The following SORBS2 variants were observed in gnomAD, a reference collection of about 807,000 sequenced individuals.
SORBS2 encodes sorbin and SH3 domain-containing protein 2.
Under a neutral mutation model 97.7 loss-of-function variants are expected in SORBS2, and 46 were observed. The ratio of observed to expected loss-of-function variants is 0.47; its 90% CI spans 0.37 to 0.60. SORBS2 has a LOEUF of 0.60. Among genes scored for constraint, SORBS2 ranks in the 20% least tolerant of loss-of-function variants. SORBS2 has a pLI of 0.00. For missense variants in SORBS2, 1,316 were observed against 1,282.3 expected (o/e 1.03, Z -0.40); for synonymous variants, 476 against 473.4 (o/e 1.01, Z -0.07).
chr4:185,824,914 C>T (rs533805021), intron 1 of SORBS2, among the ~76,000 whole-genome samples: 3 of 152,284 alleles, frequency 2.0e-5, no homozygotes, highest in East Asian at 3.9e-4. Flanking sequence ...GGGTGGCAGG[C>T]GGGCTGATCC....
intron 1 of SORBS2, among the ~76,000 whole-genome samples, chr4:185,945,991 G>A (rs954624500): frequency 6.6e-6 from 1 of 152,232 alleles, no homozygotes; most frequent in Non-Finnish European, 1.5e-5. Flanking sequence ...AGATGGTCAA[G>A]ACTTTGTAAT....
exon 1 of SORBS2, chr4:185,656,705 T>TGCTGCCTGCCCAGGCTCTCAGAA: frequency 6.5e-7 from 1 of 1,549,032 alleles, no homozygotes; most frequent in Non-Finnish European, 8.7e-7. Flanking sequence ...GTCAGCCAGC[T>TGCTGCCTGCCCAGGCTCTCAGAA]GCTGCCTGCC....
chr4:185,729,622 A>G (rs2098597979), intron 2 of SORBS2, among the ~76,000 whole-genome samples: 1 of 152,234 alleles, frequency 6.6e-6, no homozygotes, highest in South Asian at 2.1e-4. Flanking sequence ...TGTGAAAGAC[A>G]AGGAATAGTA....
chr4:185,619,588 C>T (rs1179231815), intron 8 of SORBS2, among the ~76,000 whole-genome samples: 1 of 152,156 alleles, frequency 6.6e-6, no homozygotes, highest in African/African-American at 2.4e-5. Context: ...GGGCAGTATC[C>T]CGAGAACTGG....
chr4:185,865,587 C>A (rs999174478), intron 1 of SORBS2, among the ~76,000 whole-genome samples: 2 of 152,012 alleles, frequency 1.3e-5, no homozygotes, highest in African/African-American at 4.8e-5. Flanking sequence ...AACACGGAAA[C>A]GTACAGAACA....
At chr4:185,625,686 G>A (rs758963191) in intron 6 of SORBS2, among the ~76,000 whole-genome samples, 3 of 152,174 alleles carry the variant, frequency 2.0e-5, no homozygotes, top group Non-Finnish European at 4.4e-5. Flanking sequence ...ATCTGATAAG[G>A]CATCTCTGCT....
At chr4:185,850,909 A>G (rs2099217506) in intron 1 of SORBS2, among the ~76,000 whole-genome samples, 1 of 152,186 alleles carries the variant, frequency 6.6e-6, no homozygotes, top group Non-Finnish European at 1.5e-5. Flanking sequence ...GAAAAGGCAC[A>G]CGAGGGTAAA....
chr4:185,683,448 C>A (rs559067112), intron 2 of SORBS2, among the ~76,000 whole-genome samples: 2 of 152,250 alleles, frequency 1.3e-5, no homozygotes, highest in South Asian at 4.1e-4. Context: ...ATTGGCATTC[C>A]AATTACACGA....
intron 12 of SORBS2, among the ~76,000 whole-genome samples, chr4:185,601,138 A>C (rs576507687): frequency 6.6e-6 from 1 of 152,234 alleles, no homozygotes; most frequent in African/African-American, 2.4e-5. Context: ...GTAATGATTG[A>C]CCTCAAATCC....
chr4:185,653,394 G>T (rs1237420342), intron 1 of SORBS2, among the ~76,000 whole-genome samples: 1 of 152,200 alleles, frequency 6.6e-6, no homozygotes, highest in Admixed American at 6.5e-5. Context: ...CCAGGCGTCG[G>T]ACATGAGGGG....
rs558593785 is a variant in SORBS2 at position 185,728,233 on chromosome 4, G to A, written c.-198+46994C>T. On this transcript the variant is annotated intron_variant, in intron 2 of 20. Transcript: ENST00000284776. ...TCCCCGAGAAAGTCCACTGAGTAGCGTGCTGGACAGAACCTGACCAGGACT... is the reference window on the plus strand; with the variant it reads ...TCCCCGAGAAAGTCCACTGAGTAGCATGCTGGACAGAACCTGACCAGGACT... Among the ~76,000 whole-genome samples the A allele has an allele frequency of 5.3e-5, 8 of 152,080 alleles. No individual in the cohort carries two copies. The East Asian group carries it at 5.8e-4, about 11-fold the overall frequency.
chr4:185,685,498 C>T (rs954323098), intron 2 of SORBS2, among the ~76,000 whole-genome samples: 3 of 152,046 alleles, frequency 2.0e-5, no homozygotes, highest in African/African-American at 7.2e-5. Context: ...TCGAAATGAC[C>T]ATGTTTAAAG....
chr4:185,881,185 G>GAAATTGAGAAATTAAAT (rs2099236696), intron 1 of SORBS2, among the ~76,000 whole-genome samples: 1 of 152,102 alleles, frequency 6.6e-6, no homozygotes, highest in African/African-American at 2.4e-5. Context: ...TAGAGTTAAG[G>GAAATTGAGAAATTAAAT]AAATTGAGAA....
intron 1 of SORBS2, among the ~76,000 whole-genome samples, chr4:185,801,075 C>T (rs570827164): frequency 8.5e-5 from 13 of 152,188 alleles, no homozygotes; most frequent in African/African-American, 1.9e-4. Context: ...AACCACCATT[C>T]GACTCTGTTT....
At chr4:185,950,458 C>T (rs564242645) in intron 1 of SORBS2, among the ~76,000 whole-genome samples, 1 of 152,146 alleles carries the variant, frequency 6.6e-6, no homozygotes, top group South Asian at 2.1e-4. Flanking sequence ...GAAAAAGAGA[C>T]CAGAGTGGGT....
chr4:185,642,867 T>C (rs2097149000), intron 4 of SORBS2, among the ~76,000 whole-genome samples: 1 of 152,166 alleles, frequency 6.6e-6, no homozygotes, highest in Non-Finnish European at 1.5e-5. Context: ...CCAAGAATGT[T>C]TTGAGACCCA....
At chr4:185,612,192 C>A (rs974104592) in intron 11 of SORBS2, among the ~76,000 whole-genome samples, 1 of 152,158 alleles carries the variant, frequency 6.6e-6, no homozygotes, top group Non-Finnish European at 1.5e-5. Context: ...TCCATTCAGG[C>A]CATCAGAATC....
At chr4:185,927,481 C>T (rs11132365) in intron 1 of SORBS2, among the ~76,000 whole-genome samples, 139,162 of 148,664 alleles carry the variant, frequency 0.94, 65,257 homozygotes, top group East Asian at 1. Flanking sequence ...TTCCACTCCC[C>T]GTGTCCATGT....
At chr4:185,708,832 A>G (rs1310607567) in intron 2 of SORBS2, among the ~76,000 whole-genome samples, 1 of 152,232 alleles carries the variant, frequency 6.6e-6, no homozygotes, top group Non-Finnish European at 1.5e-5. Flanking sequence ...AGATCCAAAT[A>G]AAGTGTTTTC....
Sources: gnomAD v4.1 joint callset for allele counts (sites outside exome capture counted in the v4.1 genomes callset) on GRCh38, gnomAD v4.1.1 for gene constraint, MANE v1.5 for transcripts, NCBI Gene and HGNC (gene_info 2026-07-23, HGNC 2026-07-21) for gene names.